The following DNAI2 variants were observed in gnomAD, a reference collection of about 807,000 sequenced individuals.
DNAI2 encodes dynein, axonemal, intermediate polypeptide 2.
DNAI2 carries 63 observed loss-of-function variants against 74.7 expected under a neutral mutation model. The ratio of observed to expected loss-of-function variants is 0.84; its 90% CI spans 0.69 to 1.04. The LOEUF (loss-of-function observed/expected upper bound fraction) is 1.04, where lower values mean the gene tolerates loss of function less well. DNAI2 is among the 50% of genes least tolerant of loss of function. DNAI2 has a pLI of 0.00. For missense variants in DNAI2, 688 were observed against 803.2 expected (o/e 0.86, Z 1.73); for synonymous variants, 289 against 314.9 (o/e 0.92, Z 0.87).
At chr17:74,282,313 A>AT (rs35785992) in intron 2 of DNAI2, among the ~76,000 whole-genome samples, 100,630 of 150,432 alleles carry the variant, frequency 0.67, 34,241 homozygotes, top group Non-Finnish European at 0.72. Flanking sequence ...GCTGGGAGAC[A>AT]TTTTTTTTTT....
At chr17:74,276,530 G>T (rs188143783) in intron 1 of DNAI2, among the ~76,000 whole-genome samples, 1 of 152,134 alleles carries the variant, frequency 6.6e-6, no homozygotes, top group Non-Finnish European at 1.5e-5. Flanking sequence ...CTCCTGAGAC[G>T]CCCTTTGCTG....
intron 1 of DNAI2, among the ~76,000 whole-genome samples, chr17:74,276,143 CT>C (rs139466545): frequency 0.17 from 26,449 of 152,116 alleles, 2,497 homozygotes; most frequent in African/African-American, 0.23. Flanking sequence ...GGAAAACACA[CT>C]TTCCCTTAAG....
rs114363241 is a variant in DNAI2 at position 74,283,257 on chromosome 17, G to A, written c.183+1257G>A. On this transcript the variant is annotated intron_variant, in intron 2 of 13. Coordinates refer to ENST00000311014, the MANE Select transcript of DNAI2 (RefSeq NM_023036.6). ...GTATAATAACGCTGCTGCAGTGTAC[G>A]CTTTAAAGTGGTTATGTGGTAAATT... Among the ~76,000 whole-genome samples, 1,142 of 152,256 alleles carry A rather than the reference G, an allele frequency of 7.5e-3. 14 individuals are homozygous for A. Among genetic ancestry groups the A allele is most frequent in the African/African-American group, 0.026 (1,091 of 41,540 alleles).
chr17:74,281,639 T>A, intron 1 of DNAI2, 168 bp from the exon 2 acceptor site: 1 of 646,314 alleles, frequency 1.5e-6, no homozygotes, highest in South Asian at 1.8e-5. Flanking sequence ...ACTCAGGATT[T>A]TTTTTTAATG....
intron 10 of DNAI2, 67 bp from the exon 11 acceptor site, chr17:74,309,950 A>G (rs1237118076): frequency 2.5e-6 from 4 of 1,599,152 alleles, no homozygotes; most frequent in African/African-American, 2.7e-5. Flanking sequence ...CCCAGGGGCC[A>G]GTTAATCAGA....
chr17:74,282,862 A>G (rs1376109569), intron 2 of DNAI2, among the ~76,000 whole-genome samples: 3 of 152,218 alleles, frequency 2.0e-5, no homozygotes, highest in Admixed American at 6.5e-5. Context: ...TCCAACAGTC[A>G]GGTGGGTGTG....
At chr17:74,312,255 T>A in intron 12 of DNAI2, 25 bp downstream of exon 12, 2 of 472,274 alleles carry the variant, frequency 4.2e-6, no homozygotes, top group Admixed American at 2.9e-5. Flanking sequence ...AGGGGTTGGG[T>A]GGGTTGGGGA....
chr17:74,307,169 C>G (rs987794816), intron 9 of DNAI2: 10 of 451,160 alleles, frequency 2.2e-5, no homozygotes, highest in African/African-American at 2.0e-4. Flanking sequence ...ATGTGAAGCC[C>G]TTTACAGGCT....
chr17:74,314,412 G>GAGAGA, intron 13 of DNAI2, 141 bp downstream of exon 13: 1 of 1,167,520 alleles, frequency 8.6e-7, no homozygotes, highest in African/African-American at 1.5e-5. Context: ...TGAGTCCTGA[G>GAGAGA]CCACCCCTTG....
At position 74,310,049 on chromosome 17, in the gene DNAI2, G is replaced by T. The variant is rs148947094; in HGVS notation, c.1380G>T (p.Val460=). The T allele has an allele frequency of 6.7e-4, 1,083 of 1,613,928 alleles. 1 individual carries two copies. The highest frequency in any genetic ancestry group is 8.6e-4 in the Non-Finnish European group (1,012 of 1,180,034). ...ACGAGGCCCTCTTCTGCCTCCGGGT[G>T]CAGGACAATGGGTGTCTCATCGCCT... ...VCDEALFCLR[V]QDNGCLIACG... The change falls in exon 11 of 14, where the codon GTG becomes GTT. Residue 460 remains valine, a synonymous_variant. Transcript: ENST00000311014.
intron 3 of DNAI2, among the ~76,000 whole-genome samples, chr17:74,286,008 T>G (rs1276204569): frequency 1.3e-5 from 2 of 151,448 alleles, no homozygotes; most frequent in African/African-American, 2.4e-5. Context: ...TTAATAATTT[T>G]ATTTGGGCTG....
At chr17:74,306,183 A>G (rs1192657053) in intron 9 of DNAI2, among the ~76,000 whole-genome samples, 1 of 152,260 alleles carries the variant, frequency 6.6e-6, no homozygotes, top group African/African-American at 2.4e-5. Context: ...AGTGAGGCAT[A>G]GCCTGTCTTG....
At chr17:74,279,285 T>C (rs2051262738) in intron 1 of DNAI2, among the ~76,000 whole-genome samples, 1 of 152,124 alleles carries the variant, frequency 6.6e-6, no homozygotes. Context: ...AGGGTGACTA[T>C]AGTCAAAATA....
At chr17:74,303,356 G>A (rs189705639) in intron 8 of DNAI2, among the ~76,000 whole-genome samples, 42 of 152,222 alleles carry the variant, frequency 2.8e-4, no homozygotes, top group South Asian at 2.1e-4. Flanking sequence ...GACGGGCGGC[G>A]TGCAGTCGGC....
Position 74,314,610 on chromosome 17 carries a change from G to A in DNAI2, c.*77G>A. ...GCAGACCCTCAACCAGACTTGCATG[G>A]CCATGGCAGGGCCTCGGGAAGACCT... On this transcript the variant is annotated 3_prime_UTR_variant, in exon 14 of 14. Coordinates refer to ENST00000311014, the MANE Select transcript of DNAI2 (RefSeq NM_023036.6). 2 of 265,276 alleles carry A rather than the reference G, an allele frequency of 7.5e-6. No homozygotes were observed. Among genetic ancestry groups the A allele is most frequent in the East Asian group, 8.9e-5 (1 of 11,276 alleles). 16.4% of individuals were successfully genotyped at this position (265,276 alleles called of 1,614,324 possible).
chr17:74,288,770 C>A (rs2051906592), intron 4 of DNAI2, among the ~76,000 whole-genome samples: 1 of 152,114 alleles, frequency 6.6e-6, no homozygotes, highest in Non-Finnish European at 1.5e-5. Flanking sequence ...TGAGAAAGAC[C>A]ATGCTCTGTG....
At position 74,314,201 on chromosome 17, in the gene DNAI2, A is replaced by G. The variant is rs2053697036; in HGVS notation, c.1803A>G (p.Glu601=). Residue 601 remains glutamate (E), a synonymous_variant, in exon 13 of 14, where the codon GAA becomes GAG. Coordinates refer to ENST00000311014, the MANE Select transcript of DNAI2 (RefSeq NM_023036.6). The part of the protein sequence containing the change: ...AAGEEGDEEV[E]EDLA ...GGGAAGAAGGGGATGAAGAAGTGGAAGAAGACTTAGCCTAGAAGTCAGCCT... is the reference window on the plus strand; with the variant it reads ...GGGAAGAAGGGGATGAAGAAGTGGAGGAAGACTTAGCCTAGAAGTCAGCCT... The G allele has an allele frequency of 1.2e-6, 2 of 1,614,070 alleles. No individual in the cohort carries two copies. The highest frequency in any genetic ancestry group is 1.7e-6 in the Non-Finnish European group (2 of 1,179,998).
At chr17:74,292,306 A>T (rs1471160511) in intron 6 of DNAI2, among the ~76,000 whole-genome samples, 1 of 151,142 alleles carries the variant, frequency 6.6e-6, no homozygotes, top group African/African-American at 2.4e-5. Context: ...TTCTTCTTTA[A>T]TTGCTTTTGG....
intron 8 of DNAI2, among the ~76,000 whole-genome samples, chr17:74,302,449 C>T (rs972410936): frequency 6.6e-6 from 1 of 152,296 alleles, no homozygotes; most frequent in East Asian, 1.9e-4. Context: ...CGCCTGTAAT[C>T]CCAGCTACTC....
Sources: gnomAD v4.1 joint callset for allele counts (sites outside exome capture counted in the v4.1 genomes callset) on GRCh38, gnomAD v4.1.1 for gene constraint, MANE v1.5 for transcripts, NCBI Gene and HGNC (gene_info 2026-07-23, HGNC 2026-07-21) for gene names.